Variants in GRIP2 observed in about 807,000 individuals in gnomAD.
GRIP2 encodes glutamate receptor-interacting protein 2.
GRIP2 carries 58 observed loss-of-function variants against 108.3 expected under a neutral mutation model. The ratio of observed to expected loss-of-function variants is 0.54; its 90% confidence interval spans 0.43 to 0.67. The LOEUF is 0.67. GRIP2 is among the 30% of genes least tolerant of loss of function. GRIP2 has a pLI of 0.00. For synonymous variants in GRIP2, 586 were observed against 598.2 expected, an observed-to-expected ratio of 0.98 and a Z score of 0.30; for missense variants, 1,278 against 1,430.6, an observed-to-expected ratio of 0.89 and a Z score of 1.72.
chr3:14,515,157 AG>A (rs1163951229), intron 11 of GRIP2, among the ~76,000 whole-genome samples: 1 of 152,236 alleles, frequency 6.6e-6, no homozygotes. Flanking sequence ...CACATTTTGC[AG>A]GTGTCAGAAT....
Position 14,521,658 on chromosome 3 carries a change from A to G in GRIP2, c.696T>C (p.Tyr232=). 1 of 1,611,024 alleles carries G rather than the reference A, an allele frequency of 6.2e-7. No individual in the cohort carries two copies. The highest frequency in any genetic ancestry group is 8.5e-7 in the Non-Finnish European group (1 of 1,178,556). Residue 232 remains tyrosine, a synonymous_variant, in exon 7 of 24, where the codon TAT becomes TAC. Transcript: ENST00000621039. The surrounding 1 kb of genome is among the most constrained non-coding windows in gnomAD (Gnocchi z 5.1). ...CSHEALFQVE[Y]DVATPDTVAN... ...CCAACTCACCAGGGGTGGCCACATC[A>G]TACTCCACCTGAAAGAGTGCCTCGT...
chr3:14,594,985 C>G, the GRIP2 span, among the ~76,000 whole-genome samples: 1 of 152,226 alleles, frequency 6.6e-6, no homozygotes, highest in Non-Finnish European at 1.5e-5. Flanking sequence ...CAGCCTGGAA[C>G]TCCTGGGCTC....
chr3:14,525,626 C>T (rs569957767), intron 2 of GRIP2, 54 bp from the exon 3 acceptor site: 1 of 1,605,582 alleles, frequency 6.2e-7, no homozygotes, highest in South Asian at 1.1e-5. Flanking sequence ...CACCCCAGGC[C>T]CCCAGCTCTA....
chr3:14,573,468 G>A, the GRIP2 span: 1 of 1,538,110 alleles, frequency 6.5e-7, no homozygotes, highest in Non-Finnish European at 9.0e-7. Context: ...GAACTGGTCA[G>A]GCACCTCAGG....
chr3:14,556,826 G>A (rs373253229), upstream of GRIP2, among the ~76,000 whole-genome samples: 1 of 152,212 alleles, frequency 6.6e-6, no homozygotes, highest in East Asian at 1.9e-4. Context: ...TTGCCCTAGG[G>A]GAGACTGAGG....
the GRIP2 span, among the ~76,000 whole-genome samples, chr3:14,582,684 C>T: frequency 6.6e-6 from 1 of 152,210 alleles, no homozygotes; most frequent in South Asian, 2.1e-4. Flanking sequence ...CAGTTCCTTG[C>T]AGGGCTGGCT....
chr3:14,520,377 G>A lies in GRIP2; in HGVS notation c.860+13C>T. ...CACACCTCCATGGTGGCAGCACCCA[G>A]GGTGTGCCTTACCTGTCCACCACGC... On this transcript the variant is annotated intron_variant, in intron 8 of 23. Transcript: ENST00000621039. 1.2e-6 allele frequency: 2 copies of A among 1,610,850 alleles called. No individual in the cohort carries two copies. Among genetic ancestry groups the A allele is most frequent in the Non-Finnish European group, 1.7e-6 (2 of 1,178,642 alleles).
chr3:14,602,444 T>A, the GRIP2 span, among the ~76,000 whole-genome samples: 2 of 151,694 alleles, frequency 1.3e-5, no homozygotes, highest in Non-Finnish European at 2.9e-5. The surrounding 1 kb of genome is among the most constrained non-coding windows in gnomAD (Gnocchi z 4.7). Context: ...GAAAGTTGGG[T>A]GCGACGGACC....
chr3:14,514,826 C>T (rs571862770), intron 11 of GRIP2, among the ~76,000 whole-genome samples: 2 of 152,288 alleles, frequency 1.3e-5, no homozygotes, highest in African/African-American at 4.8e-5. Context: ...CTCTGCTTTT[C>T]GGTAAGAGGT....
rs547743119 is a variant in GRIP2, at chr3:14,524,398, G to T, written c.398C>A (p.Pro133Gln). 2 of 1,609,884 alleles carry T rather than the reference G, an allele frequency of 1.2e-6. No homozygotes were observed. Among genetic ancestry groups the T allele is most frequent in the African/African-American group, 2.7e-5 (2 of 75,000 alleles). ...VVLEVEYELP[P>Q]PAPENNPRII... is the part of the protein sequence containing the mutation. ...CCCCGTCCAAGGGCACCCACCGGGC[G>T]GGGGCAGCTCATACTCCACCTCCAG... The change falls in exon 4 of 24, where the codon CCG becomes CAG. Residue 133 changes from proline to glutamine, a missense_variant. Coordinates refer to ENST00000621039, the MANE Select transcript of GRIP2 (RefSeq NM_001080423.4).
chr3:14,510,513 C>T (rs996602135), intron 16 of GRIP2, among the ~76,000 whole-genome samples: 1 of 152,068 alleles, frequency 6.6e-6, no homozygotes, highest in Admixed American at 6.5e-5. Context: ...GCTCCACCCA[C>T]CTTGGCCTCC....
chr3:14,548,730 C>T (rs1190064610), intron 1 of GRIP2, among the ~76,000 whole-genome samples: 1 of 152,230 alleles, frequency 6.6e-6, no homozygotes, highest in Non-Finnish European at 1.5e-5. Flanking sequence ...TTTCAAGAAT[C>T]CTATGGGATA....
Position 14,520,259 on chromosome 3 carries a change from C to A in GRIP2, c.881G>T (p.Gly294Val). The A allele has an allele frequency of 6.2e-7, 1 of 1,613,886 alleles. No homozygotes were observed. Among genetic ancestry groups the A allele is most frequent in the Non-Finnish European group, 8.5e-7 (1 of 1,179,886 alleles). ...GCCATCGATGGACAGGATGTGGTCTCCAGGGTGCAGGGCTCCGCTCCTGGC... is the reference window on the plus strand; with the variant it reads ...GCCATCGATGGACAGGATGTGGTCTACAGGGTGCAGGGCTCCGCTCCTGGC... ...VVDRSGALHP[G>V]DHILSIDGTS... The change falls in exon 9 of 24, where the codon GGA becomes GTA. Residue 294 changes from glycine (G) to valine (V), a missense_variant. Transcript: ENST00000621039.
the GRIP2 span, among the ~76,000 whole-genome samples, chr3:14,582,563 G>A: frequency 6.6e-6 from 1 of 152,222 alleles, no homozygotes; most frequent in Non-Finnish European, 1.5e-5. Flanking sequence ...AGGGCCAACA[G>A]ATATCTGCTT....
In GRIP2 at chr3:14,493,765, G is replaced by A. The variant is rs767047626; in HGVS notation, c.3032C>T (p.Ala1011Val). 5.1e-5 allele frequency: 83 copies of A among 1,612,550 alleles called. No individual in the cohort carries two copies. The Admixed American group carries it at 9.4e-4, about 18-fold the overall frequency. ...CCLAVPLLAEAGDVLELIISR... is the reference protein window; with the variant it reads ...CCLAVPLLAEVGDVLELIISR... ...GATGATCAGCTCCAAGACATCACCC[G>A]CCTCGGCCAGGAGTGGCACCGCCAG... The change falls in exon 24 of 24, where the codon GCG (alanine) becomes GTG (valine). Residue 1011 changes from alanine (A) to valine (V), a missense_variant. By Grantham distance (64) the Ala-to-Val change is moderately conservative (BLOSUM62 0). Coordinates refer to ENST00000621039, the MANE Select transcript of GRIP2 (RefSeq NM_001080423.4).
Position 14,509,952 on chromosome 3 carries a change from GTCTCCAGCTCA to G in GRIP2, c.1935_1945del (p.Glu646HisfsTer29). The G allele has an allele frequency of 3.3e-6, 5 of 1,520,526 alleles. No individual in the cohort carries two copies. The highest frequency in any genetic ancestry group is 4.4e-6 in the Non-Finnish European group (5 of 1,129,648). The allele number at this position is 1,520,526 out of a possible 1,614,324, so 94.2% of individuals were successfully genotyped here. A position where few individuals can be genotyped will look rare whatever the true frequency, so the allele number is the denominator to read the frequency against. On this transcript the variant is annotated frameshift_variant and splice_region_variant, in exon 17 of 24. Coordinates refer to ENST00000621039, the MANE Select transcript of GRIP2 (RefSeq NM_001080423.4). LOFTEE classifies it high-confidence loss of function. ...CACTGTGTAACTGACGGCACCTGTG[GTCTCCAGCTCA>G]TCTGCAAGCACGGGGACCCATGAGG...
At chr3:14,573,857 G>A in the GRIP2 span, 1 of 1,360,944 alleles carries the variant, frequency 7.3e-7, no homozygotes, top group Non-Finnish European at 1.0e-6. Context: ...TTGCCAGCAT[G>A]GGCGAGCACT....
At chr3:14,601,427 C>G in the GRIP2 span, among the ~76,000 whole-genome samples, 1 of 152,168 alleles carries the variant, frequency 6.6e-6, no homozygotes, top group South Asian at 2.1e-4. Context: ...CCGCCCCCCT[C>G]CTTATTGGCA....
chr3:14,563,644 G>A, the GRIP2 span, among the ~76,000 whole-genome samples: 1 of 152,130 alleles, frequency 6.6e-6, no homozygotes, highest in Non-Finnish European at 1.5e-5. Context: ...CAGGGAGGAG[G>A]GGTGTAGGGG....
Sources: allele counts gnomAD v4.1 joint callset (sites outside exome capture counted in the v4.1 genomes callset), GRCh38; gene constraint gnomAD v4.1.1; non-coding constraint Gnocchi (gnomAD v3.1); transcripts MANE v1.5; gene names NCBI Gene and HGNC (gene_info 2026-07-23, HGNC 2026-07-21).